Variants in ABR observed in about 807,000 individuals in gnomAD.
ABR encodes active breakpoint cluster region-related protein.
In ABR, 35 loss-of-function variants were observed where a neutral mutation model predicts 107.2. The observed-to-expected ratio is 0.33, with a 90% CI of 0.25 to 0.43. The LOEUF is 0.43. ABR is among the 20% of genes least tolerant of loss of function. ABR has a pLI of 1.00. For synonymous variants in ABR, 498 were observed against 462.0 expected, an observed-to-expected ratio of 1.08 and a Z score of -1.00; for missense variants, 815 against 1,115.2, an observed-to-expected ratio of 0.73 and a Z score of 3.83.
chr17:1,161,248 C>CT (rs562909391), intron 1 of ABR, among the ~76,000 whole-genome samples: 180 of 142,022 alleles, frequency 1.3e-3, no homozygotes, highest in Admixed American at 2.1e-3. Context: ...CAAGTCCAGT[C>CT]TTTTTTTTTT....
upstream of ABR, chr17:1,182,150 G>T (rs1336694989): frequency 6.6e-6 from 1 of 152,174 alleles, no homozygotes; most frequent in African/African-American, 2.4e-5. Context: ...GGGCTCTACA[G>T]AGGAAACTTC....
chr17:1,049,025 G>A lies in ABR; in HGVS notation c.1791+1025C>T, dbSNP rs113075161. 2.0e-3 allele frequency among the ~76,000 whole-genome samples: 303 copies of A among 152,212 alleles called. 7 individuals are homozygous for A. Among genetic ancestry groups the A allele is most frequent in the African/African-American group, 6.7e-3 (279 of 41,534 alleles). On this transcript the variant is annotated intron_variant, in intron 16 of 22. Coordinates refer to ENST00000302538, the MANE Select transcript of ABR (RefSeq NM_021962.5). ...GCTCCACCACGTCACGCCTTTTCCCGCTCCCAAGCCTACTTCTCTTAATAG... is the reference window on the plus strand; with the variant it reads ...GCTCCACCACGTCACGCCTTTTCCCACTCCCAAGCCTACTTCTCTTAATAG...
intron 12 of ABR, chr17:1,057,701 G>A (rs1280188977): frequency 4.7e-6 from 2 of 422,610 alleles, no homozygotes; most frequent in East Asian, 4.6e-5. Context: ...GTGTGTGTGT[G>A]TGAGAGAGAG....
At chr17:1,045,120 C>T (rs557484497) in intron 16 of ABR, among the ~76,000 whole-genome samples, 3 of 152,312 alleles carry the variant, frequency 2.0e-5, no homozygotes, top group Non-Finnish European at 4.4e-5. Context: ...CTGGCTGCTT[C>T]GGAGGAGCCG....
intron 1 of ABR, among the ~76,000 whole-genome samples, chr17:1,195,683 A>G (rs2042546289): frequency 6.6e-6 from 1 of 151,430 alleles, no homozygotes; most frequent in African/African-American, 2.4e-5. Flanking sequence ...GGGCGCCTGT[A>G]GTCCCAGCTA....
intron 1 of ABR, among the ~76,000 whole-genome samples, chr17:1,223,707 G>A (rs1272288395): frequency 1.3e-5 from 2 of 152,158 alleles, no homozygotes; most frequent in African/African-American, 2.4e-5. Context: ...GGAGGCCTCA[G>A]GAAACTTACA....
At chr17:1,023,740 C>G (rs1351160557) in intron 16 of ABR, among the ~76,000 whole-genome samples, 2 of 152,124 alleles carry the variant, frequency 1.3e-5, no homozygotes, top group Non-Finnish European at 2.9e-5. Context: ...GAAACATTAA[C>G]AGGGCTGGGC....
chr17:1,101,502 A>G (rs2037863146), intron 2 of ABR, among the ~76,000 whole-genome samples: 3 of 152,130 alleles, frequency 2.0e-5, no homozygotes, highest in Admixed American at 2.0e-4. Flanking sequence ...CACACACCAG[A>G]GCTGGATTCA....
Position 1,067,019 on chromosome 17 carries a change from C to T in ABR, c.1182+58G>A, listed in dbSNP as rs887825261. The stretch of plus-strand genomic sequence containing the variant: ...CAAACCTTACAACTTCCTGCCTCCA[C>T]CTCCCCCAACACAGCTGGCTCAAAG... On this transcript the variant is annotated intron_variant, in intron 10 of 22. Transcript: ENST00000302538. The T allele has an allele frequency of 1.9e-6, 3 of 1,584,244 alleles. No homozygotes were observed. In the African/African-American group the frequency reaches 4.0e-5, roughly 21 times the overall value.
chr17:1,181,800 C>G (rs950466955), upstream of ABR: 1 of 152,258 alleles, frequency 6.6e-6, no homozygotes, highest in Non-Finnish European at 1.5e-5. Context: ...GCCCAGGAGG[C>G]AGCAGCACCG....
chr17:1,128,933 C>T (rs554522047), intron 1 of ABR, among the ~76,000 whole-genome samples: 7 of 148,130 alleles, frequency 4.7e-5, no homozygotes, highest in South Asian at 2.1e-4. Flanking sequence ...TACCTCGGGG[C>T]GTTTTTACAT....
chr17:1,211,881 G>C (rs1322842253), intron 1 of ABR, among the ~76,000 whole-genome samples: 1 of 152,074 alleles, frequency 6.6e-6, no homozygotes, highest in Non-Finnish European at 1.5e-5. Context: ...GGGAGTTTGA[G>C]ACCAGCCTGG....
Position 1,091,920 on chromosome 17 carries a change from G to T in ABR, c.346-70C>A, listed in dbSNP as rs1271402463. 4.0e-6 allele frequency: 6 copies of T among 1,489,002 alleles called. No homozygotes were observed. In the South Asian group the frequency reaches 5.1e-5, roughly 13 times the overall value. The allele number at this position is 1,489,002 out of a possible 1,614,324, so 92.2% of individuals were successfully genotyped here. ...AACCAGAGTGTCGGCAGGCCCCGGG[G>T]CCGATCGTTAGCCCTTCCCGCTGCC... On this transcript the variant is annotated intron_variant, in intron 3 of 22. Coordinates refer to ENST00000302538, the MANE Select transcript of ABR (RefSeq NM_021962.5).
In ABR at chr17:1,003,597, A is replaced by G. The variant is rs902089698; in HGVS notation, c.*2483T>C. On this transcript the variant is annotated 3_prime_UTR_variant, in exon 23 of 23. Coordinates refer to ENST00000302538, the MANE Select transcript of ABR (RefSeq NM_021962.5). ...ACGTGGTTTACATCAATTTATAATA[A>G]TCTACATAAGTTGAAACAGAACATA... 4.6e-5 allele frequency: 7 copies of G among 152,650 alleles called. No individual in the cohort carries two copies. Among genetic ancestry groups the G allele is most frequent in the Non-Finnish European group, 7.3e-5 (5 of 68,054 alleles). 9.5% of individuals were successfully genotyped at this position (152,650 alleles called of 1,614,324 possible).
At chr17:1,192,093 G>A (rs1458929599), upstream of ABR, among the ~76,000 whole-genome samples, 1 of 152,140 alleles carries the variant, frequency 6.6e-6, no homozygotes, top group Non-Finnish European at 1.5e-5. Context: ...CCGCCCTTCA[G>A]TTCCTATATT....
chr17:1,054,916 G>A (rs2033086965), intron 14 of ABR, among the ~76,000 whole-genome samples: 1 of 152,144 alleles, frequency 6.6e-6, no homozygotes, highest in African/African-American at 2.4e-5. Context: ...AGCAGGGAGT[G>A]GGAGGGGCAG....
chr17:1,199,088 C>T (rs2042624969), intron 1 of ABR, among the ~76,000 whole-genome samples: 2 of 145,666 alleles, frequency 1.4e-5, no homozygotes, highest in Admixed American at 6.9e-5. Context: ...GTTCCAAGGA[C>T]GAGGCCCTAT....
chr17:1,044,819 C>A (rs733791), intron 16 of ABR, among the ~76,000 whole-genome samples: 1 of 152,154 alleles, frequency 6.6e-6, no homozygotes, highest in East Asian at 1.9e-4. Context: ...GTCTGTCCTC[C>A]AGAACTCCCA....
chr17:1,116,625 C>T (rs984117332), intron 2 of ABR, among the ~76,000 whole-genome samples: 1 of 152,158 alleles, frequency 6.6e-6, no homozygotes, highest in African/African-American at 2.4e-5. Flanking sequence ...CCAGCGATGA[C>T]GGGACCCAGG....
Sources: allele counts gnomAD v4.1 joint callset (sites outside exome capture counted in the v4.1 genomes callset), GRCh38; gene constraint gnomAD v4.1.1; transcripts MANE v1.5; gene names NCBI Gene and HGNC (gene_info 2026-07-23, HGNC 2026-07-21).